The following NUP155 variants were observed in gnomAD, a reference collection of about 807,000 sequenced individuals.
The protein encoded by NUP155 is nuclear pore complex protein Nup155.
In NUP155, 71 loss-of-function variants were observed where a neutral mutation model predicts 180.4. That is an observed-to-expected ratio of 0.39 (90% CI 0.33 to 0.48). NUP155 has a LOEUF of 0.48. Among genes scored for constraint, NUP155 ranks in the 20% least tolerant of loss-of-function variants. The pLI is 0.91. For synonymous variants in NUP155, 582 were observed against 559.5 expected, an observed-to-expected ratio of 1.04 and a Z score of -0.57; for missense variants, 1,553 against 1,648.9, an observed-to-expected ratio of 0.94 and a Z score of 1.01.
At chr5:37,325,601 T>C (rs1157860241) in intron 19 of NUP155, among the ~76,000 whole-genome samples, 2 of 151,236 alleles carry the variant, frequency 1.3e-5, no homozygotes, top group Non-Finnish European at 3.0e-5. Flanking sequence ...AAACCCTATC[T>C]CTACAAAAAC....
intron 11 of NUP155, among the ~76,000 whole-genome samples, chr5:37,338,532 G>A (rs547788282): frequency 2.0e-5 from 3 of 149,824 alleles, no homozygotes; most frequent in Non-Finnish European, 3.0e-5. Context: ...TCAGCCTCCC[G>A]AGTAGCTGGG....
At position 37,341,183 on chromosome 5, in the gene NUP155, G is replaced by A. The variant is rs1450772340; in HGVS notation, c.1153C>T (p.Leu385=). Residue 385 remains leucine (L), a synonymous_variant, in exon 11 of 35, where the codon CTG becomes TTG. Transcript: ENST00000231498. The part of the protein sequence containing the change: ...FRQPLARPNT[L]TLVHVRLPPG... ...GGTAAGCGGACATGAACCAGCGTCAGTGTATTAGGCCGTGCTAATGGCTGT... is the reference window on the plus strand; with the variant it reads ...GGTAAGCGGACATGAACCAGCGTCAATGTATTAGGCCGTGCTAATGGCTGT... 2 of 1,613,920 alleles carry A rather than the reference G, an allele frequency of 1.2e-6. No individual in the cohort carries two copies. The highest frequency in any genetic ancestry group is 2.2e-5 in the South Asian group (2 of 91,072).
At chr5:37,342,789 G>A (rs927060448) in intron 9 of NUP155, 143 bp from the exon 10 acceptor site, 23 of 631,990 alleles carry the variant, frequency 3.6e-5, no homozygotes, top group Non-Finnish European at 6.4e-5. Context: ...CAGGCTGGAG[G>A]AGAGTGGCGT....
chr5:37,339,758 G>A (rs1485032457), intron 11 of NUP155, among the ~76,000 whole-genome samples: 1 of 151,986 alleles, frequency 6.6e-6, no homozygotes, highest in Non-Finnish European at 1.5e-5. Context: ...TTTTTTGTGT[G>A]TTTTTTGTTT....
rs74890044 is a variant in NUP155, at chr5:37,318,281, T to G, written c.2208-196A>C. Among the ~76,000 whole-genome samples the G allele has an allele frequency of 9.3e-3, 1,411 of 151,712 alleles. 26 individuals are homozygous for G. Among genetic ancestry groups the G allele is most frequent in the African/African-American group, 0.033 (1,346 of 41,320 alleles). The stretch of plus-strand genomic sequence containing the variant: ...CAGATGCTACTTAAAATGACTGAGA[T>G]TAAATCAATTAAATGACTGAGAACA... On this transcript the variant is annotated intron_variant, in intron 20 of 34. Transcript: ENST00000231498.
chr5:37,351,737 C>T (rs1581200453), intron 5 of NUP155, among the ~76,000 whole-genome samples: 1 of 96,506 alleles, frequency 1.0e-5, no homozygotes, highest in African/African-American at 5.1e-5. Context: ...GCAAGAGCCA[C>T]CATACCCAGC....
At chr5:37,323,874 C>T (rs1744409293) in intron 20 of NUP155, 118 bp downstream of exon 20, 1 of 709,752 alleles carries the variant, frequency 1.4e-6, no homozygotes, top group Middle Eastern at 3.8e-4. Flanking sequence ...CTTGTAGATA[C>T]ACTAAAAAAT....
chr5:37,349,268 A>C (rs764383916), intron 7 of NUP155, 23 bp from the exon 8 acceptor site: 28 of 745,684 alleles, frequency 3.8e-5, no homozygotes, highest in Non-Finnish European at 6.0e-5. Context: ...CAAAAAAAAA[A>C]AAGAGAAAAA....
chr5:37,337,998 G>A (rs1333498416), intron 11 of NUP155, 80 bp from the exon 12 acceptor site: 5 of 928,406 alleles, frequency 5.4e-6, no homozygotes, highest in Non-Finnish European at 5.1e-6. Flanking sequence ...TTAGGTTAGT[G>A]CAAAAGCAAT....
intron 32 of NUP155, 21 bp from the exon 33 acceptor site, chr5:37,294,486 C>G (rs760597042): frequency 1.9e-6 from 3 of 1,610,972 alleles, no homozygotes; most frequent in Non-Finnish European, 2.5e-6. Flanking sequence ...AAAAAAAGAT[C>G]GGAAATTTGG....
At chr5:37,347,911 CG>C (rs1561804288) in intron 9 of NUP155, among the ~76,000 whole-genome samples, 1 of 151,378 alleles carries the variant, frequency 6.6e-6, no homozygotes, top group East Asian at 1.9e-4. Flanking sequence ...TTGAGGCGGG[CG>C]GATCACGAGG....
In NUP155 at chr5:37,314,246, T is replaced by C. The variant is rs770940429; in HGVS notation, c.2388A>G (p.Lys796=). 1.1e-5 allele frequency: 18 copies of C among 1,610,714 alleles called. No individual in the cohort carries two copies. In the East Asian group the frequency reaches 4.0e-4, roughly 36 times the overall value. ...RKSYQALALW[K]LLCEHQFTII... ...TAGTGAATTGATGTTCACAAAGAAG[T>C]TTCCATAAAGCCAGAGCCTGATATG... Residue 796 remains lysine (K), a synonymous_variant, in exon 22 of 35, where the codon AAA becomes AAG. Coordinates refer to ENST00000231498, the MANE Select transcript of NUP155 (RefSeq NM_153485.3).
At chr5:37,342,328 T>A (rs889161479) in intron 10 of NUP155, 1 of 462,316 alleles carries the variant, frequency 2.2e-6, no homozygotes, top group South Asian at 2.4e-5. Flanking sequence ...ATTACAAATG[T>A]GAGCTACCAT....
chr5:37,346,091 A>G (rs749951479), intron 9 of NUP155, among the ~76,000 whole-genome samples: 3 of 152,064 alleles, frequency 2.0e-5, no homozygotes, highest in Non-Finnish European at 4.4e-5. Context: ...AAAAAGGCTG[A>G]GCAAGATAGC....
At chr5:37,307,547 AC>A in intron 24 of NUP155, 115 bp from the exon 25 acceptor site, 1 of 960,702 alleles carries the variant, frequency 1.0e-6, no homozygotes, top group Non-Finnish European at 1.6e-6. Flanking sequence ...TACAATAGTC[AC>A]CCTGCTAACA....
intron 9 of NUP155, among the ~76,000 whole-genome samples, chr5:37,344,988 G>C (rs529663393): frequency 1.7e-4 from 26 of 151,856 alleles, no homozygotes; most frequent in Admixed American, 1.6e-3. Context: ...TTCAAGACCA[G>C]CCAGGGCAAC....
In NUP155 at chr5:37,364,384, T is replaced by C; in HGVS notation, c.158A>G (p.Asn53Ser). 3 of 1,612,074 alleles carry C rather than the reference T, an allele frequency of 1.9e-6. No homozygotes were observed. The highest frequency in any genetic ancestry group is 1.1e-5 in the South Asian group (1 of 91,044). ...LSELLMVSAP[N>S]NPTVSGMSDM... ...TGACATGCCAGAAACGGTGGGATTA[T>C]CTACAAAAAGAAAATGAAGTATTTA... The change falls in exon 2 of 35, where the codon AAT becomes AGT. Residue 53 changes from asparagine (N) to serine (S), a missense_variant and splice_region_variant. Coordinates refer to ENST00000231498, the MANE Select transcript of NUP155 (RefSeq NM_153485.3).
chr5:37,323,230 A>G (rs1187185142), intron 20 of NUP155, among the ~76,000 whole-genome samples: 1 of 152,218 alleles, frequency 6.6e-6, no homozygotes, highest in Non-Finnish European at 1.5e-5. Context: ...GGTTGCTGTG[A>G]GCCAAGTTGG....
intron 16 of NUP155, 48 bp downstream of exon 16, chr5:37,329,141 TA>T: frequency 7.1e-7 from 1 of 1,404,604 alleles, no homozygotes; most frequent in Non-Finnish European, 1.0e-6. Context: ...ATAAAGGTTC[TA>T]AGATTCAAAC....
Sources: gnomAD v4.1 joint callset for allele counts (sites outside exome capture counted in the v4.1 genomes callset) on GRCh38, gnomAD v4.1.1 for gene constraint, MANE v1.5 for transcripts, NCBI Gene and HGNC (gene_info 2026-07-23, HGNC 2026-07-21) for gene names.